WDHD1: variants seen among roughly 807,000 people sequenced by gnomAD.
WDHD1 encodes WD repeat and HMG-box DNA-binding protein 1.
WDHD1 carries 111 observed loss-of-function variants against 135.4 expected under a neutral mutation model. That is an observed-to-expected ratio of 0.82 (90% CI 0.70 to 0.96). The LOEUF (loss-of-function observed/expected upper bound fraction) is 0.96, where lower values mean the gene tolerates loss of function less well. WDHD1 is among the 40% of genes least tolerant of loss of function. WDHD1 has a pLI of 0.00. For synonymous variants in WDHD1, 434 were observed against 439.0 expected, an observed-to-expected ratio of 0.99 and a Z score of 0.14; for missense variants, 1,351 against 1,336.3, an observed-to-expected ratio of 1.01 and a Z score of -0.17.
intron 2 of WDHD1, among the ~76,000 whole-genome samples, chr14:55,019,244 A>G (rs1361575970): frequency 6.6e-6 from 1 of 152,222 alleles, no homozygotes; most frequent in Non-Finnish European, 1.5e-5. Context: ...ATTATCTTAC[A>G]TATGTTAACA....
At chr14:54,946,781 C>A (rs1209497857) in intron 24 of WDHD1, among the ~76,000 whole-genome samples, 1 of 152,216 alleles carries the variant, frequency 6.6e-6, no homozygotes, top group Non-Finnish European at 1.5e-5. Context: ...TGGTGGCTCA[C>A]ACCTGTAACC....
At chr14:54,988,198 C>T (rs184796275) in intron 13 of WDHD1, among the ~76,000 whole-genome samples, 5 of 151,516 alleles carry the variant, frequency 3.3e-5, no homozygotes, top group African/African-American at 1.2e-4. Flanking sequence ...AAAAAGCAAA[C>T]GGGTGACTAG....
In WDHD1 at chr14:55,002,144, T is replaced by G; in HGVS notation, c.642A>C (p.Arg214Ser). 3 of 1,606,528 alleles carry G rather than the reference T, an allele frequency of 1.9e-6. No homozygotes were observed. Among genetic ancestry groups the G allele is most frequent in the Non-Finnish European group, 2.5e-6 (3 of 1,177,914 alleles). ...CAAATTGATGACTCCAAGATTCTCT[T>G]CTATATAGCTTAACAGATTTTTCCA... ...IPVEKSVKLY[R>S]RESWSHQFDL... Residue 214 changes from arginine to serine, a missense_variant, in exon 8 of 26, where the codon AGA (arginine) becomes AGC (serine). By Grantham distance (110) the Arg-to-Ser change is moderately radical. Coordinates refer to ENST00000360586, the MANE Select transcript of WDHD1 (RefSeq NM_007086.4).
At chr14:54,957,948 C>T (rs2041187645) in intron 21 of WDHD1, among the ~76,000 whole-genome samples, 1 of 152,138 alleles carries the variant, frequency 6.6e-6, no homozygotes, top group Non-Finnish European at 1.5e-5. Context: ...GTTCTGCATC[C>T]CATGCCCTCC....
At chr14:55,020,334 G>A (rs1165332077) in intron 2 of WDHD1, among the ~76,000 whole-genome samples, 7 of 152,058 alleles carry the variant, frequency 4.6e-5, no homozygotes, top group African/African-American at 1.7e-4. Context: ...AAATCTAATG[G>A]TGAATTCTCA....
At position 54,989,124 on chromosome 14, in the gene WDHD1, T is replaced by C; in HGVS notation, c.1430A>G (p.His477Arg). The C allele has an allele frequency of 1.9e-6, 3 of 1,613,802 alleles. No individual in the cohort carries two copies. The highest frequency in any genetic ancestry group is 1.7e-6 in the Non-Finnish European group (2 of 1,179,820). ...CAAAGTGTTTGATAAGTGTGTTGCATGGTGTATGGAGGTATCATGGAACTC... is the reference window on the plus strand; with the variant it reads ...CAAAGTGTTTGATAAGTGTGTTGCACGGTGTATGGAGGTATCATGGAACTC... ...DVEFHDTSIH[H>R]ATHLSNTLNY... is the part of the protein sequence containing the mutation. Residue 477 changes from histidine (H) to arginine (R), a missense_variant, in exon 13 of 26, where the codon CAT becomes CGT. Coordinates refer to ENST00000360586, the MANE Select transcript of WDHD1 (RefSeq NM_007086.4).
At chr14:54,969,343 G>GA (rs141857558) in intron 16 of WDHD1, among the ~76,000 whole-genome samples, 10,472 of 119,502 alleles carry the variant, frequency 0.088, 534 homozygotes, top group Middle Eastern at 0.19. Context: ...TCCGTTTCAA[G>GA]AAAAAAAAAA....
intron 24 of WDHD1, among the ~76,000 whole-genome samples, chr14:54,954,410 A>C (rs1038011398): frequency 6.6e-6 from 1 of 152,270 alleles, no homozygotes; most frequent in Admixed American, 6.5e-5. Context: ...AAAGGTGTAT[A>C]AAATGATACA....
intron 16 of WDHD1, among the ~76,000 whole-genome samples, chr14:54,976,958 A>G (rs931646953): frequency 2.6e-5 from 4 of 152,070 alleles, no homozygotes; most frequent in African/African-American, 7.2e-5. Context: ...TGCCTACTGT[A>G]TAAGATTCCC....
chr14:54,962,379 CATA>C, intron 21 of WDHD1, 116 bp downstream of exon 21: 1 of 774,002 alleles, frequency 1.3e-6, no homozygotes, highest in South Asian at 1.5e-5. Context: ...AAAACAAAAA[CATA>C]AACACACACA....
At chr14:55,010,770 CAA>C (rs2042156277) in intron 3 of WDHD1, among the ~76,000 whole-genome samples, 2 of 152,188 alleles carry the variant, frequency 1.3e-5, no homozygotes, top group Admixed American at 6.5e-5. Context: ...GAAGGAGACT[CAA>C]GAGAGCTTTT....
chr14:54,989,921 C>T (rs1006395640), intron 12 of WDHD1, among the ~76,000 whole-genome samples: 1 of 152,156 alleles, frequency 6.6e-6, no homozygotes, highest in South Asian at 2.1e-4. Flanking sequence ...ACCTTGGCCT[C>T]CCAAAGTGCT....
intron 16 of WDHD1, among the ~76,000 whole-genome samples, chr14:54,978,373 A>G (rs1295559636): frequency 6.6e-6 from 1 of 152,200 alleles, no homozygotes; most frequent in East Asian, 1.9e-4. Flanking sequence ...AGTTGAGGCC[A>G]GGAATTAGAG....
At chr14:54,982,288 C>T (rs1433416141) in intron 15 of WDHD1, among the ~76,000 whole-genome samples, 4 of 152,182 alleles carry the variant, frequency 2.6e-5, no homozygotes, top group Admixed American at 2.0e-4. Flanking sequence ...GGATTACAGG[C>T]GTGAGCCACC....
At chr14:55,002,291 A>G in intron 7 of WDHD1, 106 bp from the exon 8 acceptor site, 1 of 807,250 alleles carries the variant, frequency 1.2e-6, no homozygotes, top group Non-Finnish European at 2.0e-6. Context: ...ACATAAAAGC[A>G]AATTAGTTTT....
chr14:54,988,232 GT>G (rs11402342), intron 13 of WDHD1, among the ~76,000 whole-genome samples: 1 of 149,232 alleles, frequency 6.7e-6, no homozygotes, highest in Non-Finnish European at 1.5e-5. Context: ...TTGTTTTTCC[GT>G]TTTTTTTTCC....
rs189755987 is a variant in WDHD1, at chr14:54,941,152, A to C, written c.*338T>G. On this transcript the variant is annotated 3_prime_UTR_variant, in exon 26 of 26. Transcript: ENST00000360586. ...AAAACCAAATGAACCAAACCCCTAG[A>C]AGGTATTAATGCACAAAGGTTTTAA... 2.1e-3 allele frequency: 369 copies of C among 179,110 alleles called. 2 individuals are homozygous for C. Among genetic ancestry groups the C allele is most frequent in the African/African-American group, 8.3e-3 (349 of 42,084 alleles). The allele number at this position is 179,110 out of a possible 1,614,324, so 11.1% of individuals were successfully genotyped here.
At chr14:54,975,280 T>C (rs569588201) in intron 16 of WDHD1, among the ~76,000 whole-genome samples, 36 of 152,264 alleles carry the variant, frequency 2.4e-4, no homozygotes, top group African/African-American at 8.4e-4. Context: ...AAACAATACT[T>C]GGTAAACTGA....
intron 16 of WDHD1, among the ~76,000 whole-genome samples, chr14:54,972,680 C>T (rs1361428031): frequency 1.4e-5 from 2 of 147,670 alleles, no homozygotes; most frequent in South Asian, 4.4e-4. Flanking sequence ...AAAAATCAGG[C>T]ATGGTAGTGG....
Sources: gnomAD v4.1 joint callset for allele counts (sites outside exome capture counted in the v4.1 genomes callset) on GRCh38, gnomAD v4.1.1 for gene constraint, MANE v1.5 for transcripts, NCBI Gene and HGNC (gene_info 2026-07-23, HGNC 2026-07-21) for gene names.